GLI1: variants seen among roughly 807,000 people sequenced by gnomAD.
GLI1 encodes GLI family zinc finger 1, also known as transcription activator GLI1.
GLI1 carries 51 observed loss-of-function variants against 87.8 expected under a neutral mutation model. That is an observed-to-expected ratio of 0.58 (90% CI 0.46 to 0.73). GLI1 has a LOEUF of 0.73. Ranked by LOEUF, GLI1 falls within the 30% of genes least tolerant of loss-of-function variation. The pLI, the probability that GLI1 is intolerant of heterozygous loss-of-function variation, is 0.00. For missense variants in GLI1, 1,292 were observed against 1,437.2 expected (o/e 0.90, Z 1.63); for synonymous variants, 528 against 558.2 (o/e 0.95, Z 0.76).
chr12:57,467,516 C>A lies in GLI1; in HGVS notation c.1077+19C>A, dbSNP rs765307898. ...CAATGAGGTGAATGCCCTAACTAAG[C>A]GACCCTCCCCTCTTGAGAAGCCACC... On this transcript the variant is annotated intron_variant, in intron 9 of 11. Coordinates refer to ENST00000228682, the MANE Select transcript of GLI1 (RefSeq NM_005269.3). 7.0e-6 allele frequency: 11 copies of A among 1,572,154 alleles called. No homozygotes were observed. The African/African-American group carries it at 1.4e-4, about 19-fold the overall frequency.
At chr12:57,465,978 G>A in intron 7 of GLI1, 53 bp downstream of exon 7, 2 of 1,540,564 alleles carry the variant, frequency 1.3e-6, no homozygotes, top group Admixed American at 1.7e-5. Context: ...AGGAGATTCT[G>A]AGTGGGACAT....
intron 9 of GLI1, 91 bp downstream of exon 9, chr12:57,467,588 T>C: frequency 9.2e-7 from 1 of 1,083,404 alleles, no homozygotes; most frequent in Non-Finnish European, 1.3e-6. Flanking sequence ...CAGCACCCAC[T>C]CCACAGAGGT....
intron 7 of GLI1, 38 bp from the exon 8 acceptor site, chr12:57,466,202 G>GGGAGAGCCTT: frequency 6.3e-7 from 1 of 1,592,430 alleles, no homozygotes; most frequent in Non-Finnish European, 8.6e-7. Flanking sequence ...TCAGGGTCAT[G>GGGAGAGCCTT]GGAGAGCCTT....
At position 57,464,783 on chromosome 12, in the gene GLI1, T is replaced by C. The variant is rs1320048458; in HGVS notation, c.304T>C (p.Ser102Pro). The change falls in exon 4 of 12, where the codon TCA becomes CCA. Residue 102 changes from serine (S) to proline (P), a missense_variant. Coordinates refer to ENST00000228682, the MANE Select transcript of GLI1 (RefSeq NM_005269.3). Reference protein sequence around the residue: ...SLDLQTVIRTSPSSLVAFINS... With the variant: ...SLDLQTVIRTPPSSLVAFINS... ...GGACCTGCAGACGGTTATCCGCACC[T>C]CACCCAGCTCCCTCGTAGCTTTCAT... 6.2e-7 allele frequency: 1 copy of C among 1,613,974 alleles called. No homozygotes were observed. The highest frequency in any genetic ancestry group is 8.5e-7 in the Non-Finnish European group (1 of 1,179,872).
At position 57,464,792 on chromosome 12, in the gene GLI1, T is replaced by A. The variant is rs1018955380; in HGVS notation, c.313T>A (p.Ser105Thr). The part of the protein sequence containing the change: ...LQTVIRTSPS[S>T]LVAFINSRCT... ...GACGGTTATCCGCACCTCACCCAGC[T>A]CCCTCGTAGCTTTCATCAACTCGCG... is the stretch of plus-strand genomic sequence containing the variant. Residue 105 changes from serine (S) to threonine (T), a missense_variant, in exon 4 of 12, where the codon TCC (serine) becomes ACC (threonine). Transcript: ENST00000228682. 1 of 1,613,938 alleles carries A rather than the reference T, an allele frequency of 6.2e-7. No homozygotes were observed. The highest frequency in any genetic ancestry group is 8.5e-7 in the Non-Finnish European group (1 of 1,179,906).
Position 57,466,311 on chromosome 12 carries a change from G to T in GLI1, c.834G>T (p.Glu278Asp). 6.2e-7 allele frequency: 1 copy of T among 1,614,092 alleles called. No individual in the cohort carries two copies. The highest frequency in any genetic ancestry group is 8.5e-7 in the Non-Finnish European group (1 of 1,179,964). Residue 278 changes from glutamate (E) to aspartate (D), a missense_variant, in exon 8 of 12, where the codon GAG becomes GAT. Glu to Asp is a conservative substitution (Grantham distance 45). This residue lies in a region of GLI1 where 383 missense variants were observed against 368.4 expected (regional missense o/e 1.04). Transcript: ENST00000228682. ...GCCACTGGGGGGGCTGCTCCAGGGA[G>T]CTGAGGCCCTTCAAAGCCCAGTACA... Reference protein sequence around the residue: ...FVCHWGGCSRELRPFKAQYML... With the variant: ...FVCHWGGCSRDLRPFKAQYML...
chr12:57,466,123 T>C (rs1451521887), intron 7 of GLI1, 117 bp from the exon 8 acceptor site: 1 of 1,171,332 alleles, frequency 8.5e-7, no homozygotes, highest in African/African-American at 1.5e-5. Flanking sequence ...ATATTGCTCC[T>C]GCCTCTTCCT....
Position 57,464,055 on chromosome 12 carries a change from TATG to T in GLI1, c.158_160del (p.Tyr53_Gly54delinsTrp). 6.2e-7 allele frequency: 1 copy of T among 1,613,694 alleles called. No homozygotes were observed. The highest frequency in any genetic ancestry group is 2.2e-5 in the East Asian group (1 of 44,872). On this transcript the variant is annotated inframe_deletion, in exon 3 of 12. Coordinates refer to ENST00000228682, the MANE Select transcript of GLI1 (RefSeq NM_005269.3). ...TAACCTCATGTCCGGCCCCCACAGT[TATG>T]GGCCAGCCAGAGAGACCAACAGCTG...
Position 57,466,385 on chromosome 12 carries a change from G to A in GLI1, c.908G>A (p.Cys303Tyr). Residue 303 changes from cysteine to tyrosine, a missense_variant, in exon 8 of 12, where the codon TGC becomes TAC. Around this residue, in one of 3 missense-constraint regions of GLI1, gnomAD observed 897 missense variants for 1,040.7 expected, o/e 0.86. Coordinates refer to ENST00000228682, the MANE Select transcript of GLI1 (RefSeq NM_005269.3). ...RRHTGEKPHK[C>Y]TFEGCRKSYS... is the part of the protein sequence containing the mutation. ...CACACTGGCGAGAAGCCACACAAGTGCACGGTGAGGCACCAGTGTCCCAAG... is the reference window on the plus strand; with the variant it reads ...CACACTGGCGAGAAGCCACACAAGTACACGGTGAGGCACCAGTGTCCCAAG... 2.5e-6 allele frequency: 4 copies of A among 1,610,078 alleles called. No homozygotes were observed. The highest frequency in any genetic ancestry group is 3.4e-6 in the Non-Finnish European group (4 of 1,177,442).
rs766134206 is a variant in GLI1 at position 57,464,858 on chromosome 12, G to A, written c.379G>A (p.Gly127Ser). 1.2e-6 allele frequency: 2 copies of A among 1,612,118 alleles called. No homozygotes were observed. Among genetic ancestry groups the A allele is most frequent in the East Asian group, 4.5e-5 (2 of 44,876 alleles). ...PGGSYGHLSI[G>S]TMSPSLGFPA... The stretch of plus-strand genomic sequence containing the variant: ...AGGCTCCTACGGTCATCTCTCCATT[G>A]GCACCATGAGGTGCAGTCAGCCCCG... The change falls in exon 4 of 12, where the codon GGC (glycine) becomes AGC (serine). Residue 127 changes from glycine to serine, a missense_variant. Coordinates refer to ENST00000228682, the MANE Select transcript of GLI1 (RefSeq NM_005269.3).
chr12:57,464,003 G>C lies in GLI1; in HGVS notation c.105G>C (p.Leu35=). The change falls in exon 3 of 12, where the codon CTG becomes CTC. Residue 35 remains leucine (L), a synonymous_variant. Coordinates refer to ENST00000228682, the MANE Select transcript of GLI1 (RefSeq NM_005269.3). ...CCAGCTGTCTCTTTTTTCTAGGACT[G>C]TCTGGCCCGCCCTTCTGCCACCAAG... ...QGAPSVGTEG[L]SGPPFCHQAN... 6.2e-7 allele frequency: 1 copy of C among 1,612,590 alleles called. No homozygotes were observed. The highest frequency in any genetic ancestry group is 8.5e-7 in the Non-Finnish European group (1 of 1,178,590).
At chr12:57,467,871 C>G (rs1871600203) in intron 9 of GLI1, 123 bp from the exon 10 acceptor site, 2 of 680,852 alleles carry the variant, frequency 2.9e-6, no homozygotes, top group Admixed American at 4.5e-5. Flanking sequence ...CTCCATCCTC[C>G]TTACTTCCTT....
chr12:57,462,286 G>A (rs1871189974), intron 1 of GLI1, among the ~76,000 whole-genome samples: 1 of 151,974 alleles, frequency 6.6e-6, no homozygotes, highest in Non-Finnish European at 1.5e-5. Context: ...CACCTCGGTT[G>A]GAAAAGGAGG....
chr12:57,468,621 G>T (rs910287416), intron 10 of GLI1, among the ~76,000 whole-genome samples: 1 of 151,384 alleles, frequency 6.6e-6, no homozygotes, highest in African/African-American at 2.4e-5. Context: ...ACCCCATCAT[G>T]CCTGGCTAAT....
At chr12:57,469,181 G>C (rs2139861773) in intron 10 of GLI1, among the ~76,000 whole-genome samples, 1 of 152,328 alleles carries the variant, frequency 6.6e-6, no homozygotes, top group East Asian at 1.9e-4. Context: ...CTCAGGCATA[G>C]AGAAATAGCC....
intron 7 of GLI1, 110 bp from the exon 8 acceptor site, chr12:57,466,130 T>A: frequency 8.1e-7 from 1 of 1,227,468 alleles, no homozygotes; most frequent in Non-Finnish European, 1.2e-6. Flanking sequence ...TCCTGCCTCT[T>A]CCTCCTTGAG....
chr12:57,470,224 T>C (rs1293741557), intron 11 of GLI1, 93 bp from the exon 12 acceptor site: 1 of 959,138 alleles, frequency 1.0e-6, no homozygotes, highest in Non-Finnish European at 1.6e-6. Flanking sequence ...AGCTTACCCC[T>C]GAGAATCCAG....
Position 57,471,566 on chromosome 12 carries a change from AG to A in GLI1, c.2827del (p.Ala943LeufsTer3). ...GSQVSPSRAK[A>X]PVNTYGPGFG... ...CCCAGGTTAGCCCAAGCCGTGCTAA[AG>A]CTCCAGTGAACACATATGGACCTGG... On this transcript the variant is annotated frameshift_variant, in exon 12 of 12. Transcript: ENST00000228682. LOFTEE classifies it high-confidence loss of function. This position sits in a 1 kb window ranked among gnomAD's most constrained non-coding sequence, Gnocchi z 4.9. 6.2e-7 allele frequency: 1 copy of A among 1,613,894 alleles called. No homozygotes were observed. Among genetic ancestry groups the A allele is most frequent in the Non-Finnish European group, 8.5e-7 (1 of 1,179,968 alleles).
intron 2 of GLI1, 27 bp from the exon 3 acceptor site, chr12:57,463,972 C>A (rs372139330): frequency 5.2e-6 from 8 of 1,532,652 alleles, no homozygotes; most frequent in Non-Finnish European, 7.2e-6. Flanking sequence ...ATCCTCCATT[C>A]CCATTCCAGC....
Sources: allele counts gnomAD v4.1 joint callset (sites outside exome capture counted in the v4.1 genomes callset), GRCh38; gene constraint gnomAD v4.1.1; regional missense constraint gnomAD v4.1.1; non-coding constraint Gnocchi (gnomAD v3.1); transcripts MANE v1.5; gene names NCBI Gene and HGNC (gene_info 2026-07-23, HGNC 2026-07-21).